Variants in TRIM9 observed in about 807,000 individuals in gnomAD.
The protein encoded by TRIM9 is tripartite motif containing 9.
A neutral mutation model predicts 78.3 loss-of-function variants in TRIM9; 26 were observed. The observed-to-expected ratio is 0.33, with a 90% CI of 0.24 to 0.46. The LOEUF (loss-of-function observed/expected upper bound fraction) is 0.46, where lower values mean the gene tolerates loss of function less well. TRIM9 is among the 20% of genes least tolerant of loss of function. TRIM9 has a pLI of 1.00. For synonymous variants in TRIM9, 398 were observed against 416.5 expected (o/e 0.96, Z 0.54); for missense variants, 787 against 1,036.4 (o/e 0.76, Z 3.30).
chr14:50,983,490 C>T (rs2052271252), intron 8 of TRIM9, 69 bp from the exon 9 acceptor site: 1 of 1,237,986 alleles, frequency 8.1e-7, no homozygotes, highest in Admixed American at 2.3e-5. Context: ...CTTGTATACG[C>T]TTAAAAAGCA....
At chr14:50,992,736 A>C (rs1017446238) in intron 7 of TRIM9, among the ~76,000 whole-genome samples, 4 of 152,192 alleles carry the variant, frequency 2.6e-5, no homozygotes, top group African/African-American at 9.6e-5. Context: ...CCTTCAATGC[A>C]CAGAAGAAGG....
At chr14:50,986,298 G>A (rs906970257) in intron 7 of TRIM9, 154 bp from the exon 8 acceptor site, 16 of 597,060 alleles carry the variant, frequency 2.7e-5, no homozygotes, top group Non-Finnish European at 2.7e-5. Context: ...CAATGTGCCT[G>A]GGGGCAGGGA....
In TRIM9 at chr14:51,086,693, C is replaced by T. The variant is rs765967967; in HGVS notation, c.822+7425G>A. 3.2e-4 allele frequency among the ~76,000 whole-genome samples: 48 copies of T among 151,994 alleles called. 1 individual carries two copies. The highest frequency in any genetic ancestry group is 7.4e-5 in the Non-Finnish European group (5 of 68,014). On this transcript the variant is annotated intron_variant, in intron 1 of 12. Transcript: ENST00000684578. ...CTCAGGGTTAGAATACAGATATGGA[C>T]GCTATGGAGGAGGGTGAGCTGAACA...
intron 3 of TRIM9, among the ~76,000 whole-genome samples, chr14:51,017,516 A>G (rs2057331410): frequency 6.6e-6 from 1 of 152,264 alleles, no homozygotes; most frequent in Non-Finnish European, 1.5e-5. Context: ...ATCCTCGTAC[A>G]GAGAAGTTAA....
chr14:50,978,955 G>A (rs935435698), intron 12 of TRIM9: 286 of 1,091,466 alleles, frequency 2.6e-4, no homozygotes, highest in Non-Finnish European at 3.0e-4. Context: ...CCAAACAAGA[G>A]TGCAGAGAAG....
At chr14:51,009,013 A>G in intron 5 of TRIM9, 67 bp downstream of exon 5, 1 of 1,537,468 alleles carries the variant, frequency 6.5e-7, no homozygotes, top group Admixed American at 1.7e-5. Flanking sequence ...AGGGGTACTG[A>G]TCCTGCTTCA....
chr14:50,976,639 C>A lies in TRIM9; in HGVS notation c.*652G>T, dbSNP rs2051110062. The A allele has an allele frequency of 6.6e-6, 1 of 152,618 alleles. No homozygotes were observed. The highest frequency in any genetic ancestry group is 1.5e-5 in the Non-Finnish European group (1 of 68,034). The allele number at this position is 152,618 out of a possible 1,614,324, so 9.5% of individuals were successfully genotyped here. A position where few individuals can be genotyped will look rare whatever the true frequency, so the allele number is the denominator to read the frequency against. On this transcript the variant is annotated 3_prime_UTR_variant, in exon 13 of 13. Transcript: ENST00000684578. ...TTTTATACAGTGGCCAGGGTTCTGGCCTATCCTAATTATAGAGCCATCCTA... is the reference window on the plus strand; with the variant it reads ...TTTTATACAGTGGCCAGGGTTCTGGACTATCCTAATTATAGAGCCATCCTA...
intron 11 of TRIM9, among the ~76,000 whole-genome samples, chr14:50,979,788 C>T (rs1415836840): frequency 6.6e-6 from 1 of 152,198 alleles, no homozygotes; most frequent in African/African-American, 2.4e-5. Context: ...TGCTCCCTCC[C>T]TGCCACCATC....
intron 3 of TRIM9, among the ~76,000 whole-genome samples, chr14:51,017,377 A>C (rs1007263723): frequency 6.6e-6 from 1 of 152,252 alleles, no homozygotes; most frequent in African/African-American, 2.4e-5. Flanking sequence ...ACCTGTTTTT[A>C]GGAAGTCTTG....
rs1342973742 is a variant in TRIM9 at position 51,041,556 on chromosome 14, G to A, written c.823-16196C>T. On this transcript the variant is annotated intron_variant, in intron 1 of 12. Coordinates refer to ENST00000684578, the MANE Select transcript of TRIM9 (RefSeq NM_001387360.1). ...AAGGATTAACCCCCAACTGCCTTTC[G>A]CCTGATTTCCAGCAACATTAGTTCC... is the stretch of plus-strand genomic sequence containing the variant. Among the ~76,000 whole-genome samples, 16 of 152,304 alleles carry A rather than the reference G, an allele frequency of 1.1e-4. No homozygotes were observed. In the East Asian group the frequency reaches 1.7e-3, roughly 17 times the overall value.
intron 2 of TRIM9, 100 bp downstream of exon 2, chr14:51,025,165 T>C: frequency 4.6e-6 from 5 of 1,087,016 alleles, no homozygotes; most frequent in Non-Finnish European, 6.8e-6. Context: ...ATAGGAATTT[T>C]CCCACGACAC....
At chr14:51,081,530 CTA>C (rs2063309246) in intron 1 of TRIM9, among the ~76,000 whole-genome samples, 4 of 152,176 alleles carry the variant, frequency 2.6e-5, no homozygotes, top group African/African-American at 9.7e-5. Flanking sequence ...ACCGACATCC[CTA>C]GGCGTCCTGC....
At chr14:51,082,833 G>A (rs1191304150) in intron 1 of TRIM9, among the ~76,000 whole-genome samples, 1 of 152,188 alleles carries the variant, frequency 6.6e-6, no homozygotes, top group Non-Finnish European at 1.5e-5. Context: ...TTTGTCAGGA[G>A]GAGTGTGACC....
At chr14:51,006,923 G>A (rs1008160886) in intron 5 of TRIM9, among the ~76,000 whole-genome samples, 2 of 152,164 alleles carry the variant, frequency 1.3e-5, no homozygotes, top group African/African-American at 2.4e-5. Flanking sequence ...GGTCTGTGAT[G>A]CAGAGAGCAT....
At chr14:51,024,006 T>C (rs993636397) in intron 2 of TRIM9, among the ~76,000 whole-genome samples, 13 of 152,236 alleles carry the variant, frequency 8.5e-5, no homozygotes, top group Admixed American at 8.5e-4. Flanking sequence ...AAGGTCTTCG[T>C]ATAAGGAATG....
chr14:51,082,340 TGG>T (rs2063378213), intron 1 of TRIM9, among the ~76,000 whole-genome samples: 2 of 152,268 alleles, frequency 1.3e-5, no homozygotes, highest in South Asian at 4.1e-4. Context: ...AGCCAAAAAG[TGG>T]AAGTAACCCA....
At chr14:51,063,480 C>T (rs1350124369) in intron 1 of TRIM9, among the ~76,000 whole-genome samples, 1 of 106,460 alleles carries the variant, frequency 9.4e-6, no homozygotes, top group Non-Finnish European at 2.0e-5. Context: ...AATTATAAAT[C>T]CAAGTTCACT....
intron 7 of TRIM9, among the ~76,000 whole-genome samples, chr14:50,995,562 G>A (rs1373993754): frequency 1.3e-5 from 2 of 152,224 alleles, no homozygotes; most frequent in Admixed American, 6.5e-5. Flanking sequence ...AAAGCTCACA[G>A]AGTACAAAAG....
intron 1 of TRIM9, among the ~76,000 whole-genome samples, chr14:51,077,386 G>GTTTTTTTTTTTTTTTTTTTTTTT: frequency 1.0e-5 from 1 of 97,704 alleles, no homozygotes; most frequent in Non-Finnish European, 1.9e-5. Flanking sequence ...CTCCAATTCT[G>GTTTTTTTTTTTTTTTTTTTTTTT]TTTTTTTTTT....
Sources: allele counts gnomAD v4.1 joint callset (sites outside exome capture counted in the v4.1 genomes callset), GRCh38; gene constraint gnomAD v4.1.1; transcripts MANE v1.5; gene names NCBI Gene and HGNC (gene_info 2026-07-23, HGNC 2026-07-21).